The following ANKRD12 variants were observed in gnomAD, a reference collection of about 807,000 sequenced individuals.
ANKRD12 encodes ankyrin repeat domain-containing protein 12.
Under a neutral mutation model 183.4 loss-of-function variants are expected in ANKRD12, and 85 were observed. The ratio of observed to expected loss-of-function variants is 0.46; its 90% CI spans 0.39 to 0.56. The LOEUF is 0.56. Ranked by LOEUF, ANKRD12 falls within the 20% of genes least tolerant of loss-of-function variation. ANKRD12 has a pLI of 0.00. For synonymous variants in ANKRD12, 914 were observed against 800.2 expected, an observed-to-expected ratio of 1.14 and a Z score of -2.40; for missense variants, 2,405 against 2,357.1, an observed-to-expected ratio of 1.02 and a Z score of -0.42.
chr18:9,146,524 A>T (rs777985730), intron 1 of ANKRD12, among the ~76,000 whole-genome samples: 5 of 152,238 alleles, frequency 3.3e-5, no homozygotes, highest in Non-Finnish European at 5.9e-5. Context: ...CTCCATAAAA[A>T]TAAAAAAAAA....
At chr18:9,157,556 T>TGG (rs1568231112) in intron 1 of ANKRD12, among the ~76,000 whole-genome samples, 6 of 86,668 alleles carry the variant, frequency 6.9e-5, no homozygotes, top group South Asian at 3.5e-4. Context: ...TGTGGGTGTG[T>TGG]GTGTGTGTGT....
In ANKRD12 at chr18:9,275,533, A is replaced by G. The variant is rs1242269438; in HGVS notation, c.5773A>G (p.Ile1925Val). ...LQHSIEREKL[I>V]VSNEQEVLRV... ...TTCTTTATTCAACTAGGAAAAACTC[A>G]TTGTATCCAACGAACAAGAAGTTTT... is the stretch of plus-strand genomic sequence containing the variant. Residue 1925 changes from isoleucine to valine, a missense_variant, in exon 11 of 13, where the codon ATT becomes GTT. By Grantham distance (29) the Ile-to-Val change is conservative. Around this residue, in one of 7 missense-constraint regions of ANKRD12, gnomAD observed 162 missense variants for 272.2 expected, o/e 0.60. Transcript: ENST00000262126. The G allele has an allele frequency of 1.3e-6, 2 of 1,598,222 alleles. No homozygotes were observed. The highest frequency in any genetic ancestry group is 2.2e-5 in the East Asian group (1 of 44,720).
chr18:9,175,314 C>T (rs1472371926), intron 1 of ANKRD12, among the ~76,000 whole-genome samples: 1 of 152,042 alleles, frequency 6.6e-6, no homozygotes, highest in East Asian at 1.9e-4. Flanking sequence ...TATTTCTGTT[C>T]CCCATAGTCC....
chr18:9,182,569 C>G, intron 2 of ANKRD12, 50 bp downstream of exon 2: 2 of 1,236,306 alleles, frequency 1.6e-6, no homozygotes, highest in Non-Finnish European at 2.3e-6. Context: ...GGGAAAAAGA[C>G]TCCCAATTAA....
rs2038470768 is a variant in ANKRD12, at chr18:9,254,303, C to G, written c.1036C>G (p.Gln346Glu). Residue 346 changes from glutamine to glutamate, a missense_variant, in exon 9 of 13, where the codon CAG (glutamine) becomes GAG (glutamate). Transcript: ENST00000262126. Reference sequence around the variant, plus strand: ...AGACTCTCTCATCTGTGAAAGTAAACAGATACTTCCCAGTAAAACACCTCT... The same window carrying G: ...AGACTCTCTCATCTGTGAAAGTAAAGAGATACTTCCCAGTAAAACACCTCT... Reference protein sequence around the residue: ...EKDSLICESKQILPSKTPLPS... With the variant: ...EKDSLICESKEILPSKTPLPS... The G allele has an allele frequency of 6.2e-7, 1 of 1,612,240 alleles. No individual in the cohort carries two copies. Among genetic ancestry groups the G allele is most frequent in the African/African-American group, 1.3e-5 (1 of 74,796 alleles).
intron 3 of ANKRD12, among the ~76,000 whole-genome samples, chr18:9,203,708 G>T (rs111517184): frequency 0.063 from 9,532 of 152,148 alleles, 327 homozygotes; most frequent in Non-Finnish European, 0.079. Flanking sequence ...GGGTTCAAGT[G>T]ATTCTCTGGC....
In ANKRD12 at chr18:9,195,617, A is replaced by G. The variant is rs746788208; in HGVS notation, c.154A>G (p.Met52Val). 3.1e-6 allele frequency: 5 copies of G among 1,613,006 alleles called. No homozygotes were observed. Among genetic ancestry groups the G allele is most frequent in the Admixed American group, 3.3e-5 (2 of 59,912 alleles). ...KIERSDVSKE[M>V]KEKSSMKRKL... ...TGAACGAAGTGATGTGAGCAAGGAG[A>G]TGAAAGAGAAATCATCCATGAAACG... Residue 52 changes from methionine (M) to valine (V), a missense_variant, in exon 3 of 13, where the codon ATG becomes GTG. Met to Val is a conservative substitution (Grantham distance 21). Transcript: ENST00000262126.
intron 1 of ANKRD12, among the ~76,000 whole-genome samples, chr18:9,152,424 A>C (rs1263517861): frequency 6.6e-6 from 1 of 152,208 alleles, no homozygotes; most frequent in Non-Finnish European, 1.5e-5. Flanking sequence ...ATTATTCATA[A>C]ATAGGTCCTT....
chr18:9,181,791 G>T (rs1207849103), intron 1 of ANKRD12, among the ~76,000 whole-genome samples: 1 of 152,122 alleles, frequency 6.6e-6, no homozygotes, highest in Admixed American at 6.6e-5. Context: ...TATTATGCTT[G>T]TAGAATAGGA....
At chr18:9,179,404 G>T in intron 1 of ANKRD12, among the ~76,000 whole-genome samples, 1 of 152,130 alleles carries the variant, frequency 6.6e-6, no homozygotes, top group Non-Finnish European at 1.5e-5. Flanking sequence ...GGTTTGCTGA[G>T]AGTTGTTTAT....
At chr18:9,140,248 T>C (rs2078269837) in intron 1 of ANKRD12, among the ~76,000 whole-genome samples, 1 of 152,218 alleles carries the variant, frequency 6.6e-6, no homozygotes, top group African/African-American at 2.4e-5. Flanking sequence ...CGTGGTGATG[T>C]TATTTTTAAA....
Position 9,216,769 on chromosome 18 carries a change from C to T in ANKRD12, c.664C>T (p.Leu222=). 6.2e-7 allele frequency: 1 copy of T among 1,613,038 alleles called. No individual in the cohort carries two copies. Among genetic ancestry groups the T allele is most frequent in the Non-Finnish European group, 8.5e-7 (1 of 1,179,516 alleles). Residue 222 remains leucine (L), a synonymous_variant, in exon 7 of 13, where the codon CTG becomes TTG. Transcript: ENST00000262126. ...NVKDFAGWTP[L]HEACNVGYYD... is the part of the protein sequence containing the mutation. ...TAATCTAACTTTAGGTTGGACACCA[C>T]TGCATGAAGCTTGCAATGTTGGATA...
At chr18:9,192,525 A>G (rs1166650283) in intron 2 of ANKRD12, among the ~76,000 whole-genome samples, 1 of 152,144 alleles carries the variant, frequency 6.6e-6, no homozygotes, top group Non-Finnish European at 1.5e-5. Context: ...TATCAATTTC[A>G]TTTTAGACTT....
rs759460124 is a variant in ANKRD12 at position 9,257,054 on chromosome 18, T to C, written c.3787T>C (p.Leu1263=). 2 of 1,614,042 alleles carry C rather than the reference T, an allele frequency of 1.2e-6. No homozygotes were observed. Among genetic ancestry groups the C allele is most frequent in the South Asian group, 1.1e-5 (1 of 91,088 alleles). Residue 1263 remains leucine, a synonymous_variant, in exon 9 of 13, where the codon TTG becomes CTG. Coordinates refer to ENST00000262126, the MANE Select transcript of ANKRD12 (RefSeq NM_015208.5). ...ATCTCCTGCTCTTCATGAAAGGGAA[T>C]TGGACAGCCTGGCTGACTTGCCGGA... ...AKSPALHERE[L]DSLADLPERI...
intron 1 of ANKRD12, among the ~76,000 whole-genome samples, chr18:9,153,285 T>C (rs1311384087): frequency 6.6e-6 from 1 of 152,238 alleles, no homozygotes; most frequent in Non-Finnish European, 1.5e-5. Context: ...ATAGCTTAGT[T>C]TGAGTAATGA....
rs753390530 is a variant in ANKRD12, at chr18:9,257,833, A to G, written c.4566A>G (p.Leu1522=). The change falls in exon 9 of 13, where the codon TTA becomes TTG. Residue 1522 remains leucine (L), a synonymous_variant. Transcript: ENST00000262126. ...TTGCTAATCAAGAGCCAGGTATTTT[A>G]CAACAAAAAAATGCAGTTCAGATTA... ...SYVANQEPGI[L]QQKNAVQIIS... 1 of 1,613,756 alleles carries G rather than the reference A, an allele frequency of 6.2e-7. No homozygotes were observed. The highest frequency in any genetic ancestry group is 8.5e-7 in the Non-Finnish European group (1 of 1,179,926).
chr18:9,242,405 T>A (rs190658717), intron 8 of ANKRD12, among the ~76,000 whole-genome samples: 2 of 152,160 alleles, frequency 1.3e-5, no homozygotes, highest in East Asian at 1.9e-4. Flanking sequence ...CCATAAAGGG[T>A]ACATTTGGGC....
intron 10 of ANKRD12, among the ~76,000 whole-genome samples, chr18:9,268,648 C>A (rs1176763266): frequency 1.3e-5 from 2 of 152,186 alleles, no homozygotes; most frequent in African/African-American, 4.8e-5. Flanking sequence ...ATGTATGACA[C>A]ACCCACAGCC....
At chr18:9,155,098 A>C (rs72935267) in intron 1 of ANKRD12, among the ~76,000 whole-genome samples, 11,252 of 152,282 alleles carry the variant, frequency 0.074, 436 homozygotes, top group African/African-American at 0.084. Flanking sequence ...AGGCACCCCT[A>C]ATATTTACAA....
Sources: gnomAD v4.1 joint callset for allele counts (sites outside exome capture counted in the v4.1 genomes callset) on GRCh38, gnomAD v4.1.1 for gene constraint, gnomAD v4.1.1 regional missense constraint, MANE v1.5 for transcripts, NCBI Gene and HGNC (gene_info 2026-07-23, HGNC 2026-07-21) for gene names.